RORA: variants seen among roughly 807,000 people sequenced by gnomAD.
RORA encodes nuclear receptor ROR-alpha.
In RORA, 7 loss-of-function variants were observed where a neutral mutation model predicts 69.5. The ratio of observed to expected loss-of-function variants is 0.10; its 90% CI spans 0.06 to 0.19. The LOEUF (loss-of-function observed/expected upper bound fraction) is 0.19. Ranked by LOEUF, RORA falls within the 10% of genes least tolerant of loss-of-function variation. The pLI is 1.00. For missense variants in RORA, 457 were observed against 663.0 expected, an observed-to-expected ratio of 0.69 and a Z score of 3.41; for synonymous variants, 261 against 240.8, an observed-to-expected ratio of 1.08 and a Z score of -0.78.
chr15:60,929,280 C>T (rs1892306649), intron 1 of RORA, among the ~76,000 whole-genome samples: 1 of 152,198 alleles, frequency 6.6e-6, no homozygotes, highest in South Asian at 2.1e-4. Context: ...CTCCTCCAGC[C>T]CTCCCTCCCC....
intron 1 of RORA, among the ~76,000 whole-genome samples, chr15:61,141,961 G>C (rs544864251): frequency 1.3e-5 from 2 of 152,078 alleles, no homozygotes; most frequent in African/African-American, 2.4e-5. Flanking sequence ...GTGGCTCCTG[G>C]GCTAAGTGGA....
intron 2 of RORA, among the ~76,000 whole-genome samples, chr15:60,645,007 T>C (rs2070012765): frequency 6.6e-6 from 1 of 152,170 alleles, no homozygotes; most frequent in African/African-American, 2.4e-5. Flanking sequence ...ATAGAATAAA[T>C]AATATTGATT....
rs1316477690 is a variant in RORA, at chr15:61,213,715, A to G, written c.166+15338T>C. 1.3e-5 allele frequency: 2 copies of G among 152,152 alleles called. No individual in the cohort carries two copies. Among genetic ancestry groups the G allele is most frequent in the Non-Finnish European group, 2.9e-5 (2 of 68,028 alleles). 9.4% of individuals were successfully genotyped at this position (152,152 alleles called of 1,614,324 possible). A position where few individuals can be genotyped will look rare whatever the true frequency, so the allele number is the denominator to read the frequency against. The stretch of plus-strand genomic sequence containing the variant: ...TCTCTATGTTATAGGTTTCCTAAGT[A>G]TCTCTACTATAGCATGCTACATCTT... On this transcript the variant is annotated intron_variant, in intron 1 of 10. Coordinates refer to ENST00000335670, the MANE Select transcript of RORA (RefSeq NM_134261.3). The surrounding 1 kb of genome is among the most constrained non-coding windows in gnomAD (Gnocchi z 4.1).
chr15:60,619,385 T>C (rs1188245024), intron 2 of RORA, among the ~76,000 whole-genome samples: 1 of 152,200 alleles, frequency 6.6e-6, no homozygotes, highest in Non-Finnish European at 1.5e-5. Context: ...GGACAAACTA[T>C]CTTGGGGCTA....
At chr15:60,984,893 G>C (rs781326063) in intron 1 of RORA, among the ~76,000 whole-genome samples, 2 of 151,616 alleles carry the variant, frequency 1.3e-5, no homozygotes, top group Non-Finnish European at 2.9e-5. Flanking sequence ...TGAATTGGGA[G>C]GGAGAGGGGA....
chr15:60,832,998 A>G lies in RORA; in HGVS notation c.167-154312T>C, dbSNP rs368752749. Among the ~76,000 whole-genome samples the G allele has an allele frequency of 1.3e-3, 192 of 151,548 alleles. 2 individuals carry two copies. The East Asian group carries it at 0.026, about 20-fold the overall frequency. The stretch of plus-strand genomic sequence containing the variant: ...CGGCTCACTGCAAGCTCCGCCTCCC[A>G]GGTTCATGCCATTCTCCTGCCTCAG... On this transcript the variant is annotated intron_variant, in intron 1 of 10. Coordinates refer to ENST00000335670, the MANE Select transcript of RORA (RefSeq NM_134261.3).
intron 1 of RORA, among the ~76,000 whole-genome samples, chr15:61,008,457 T>G (rs1221360924): frequency 6.6e-6 from 1 of 152,026 alleles, no homozygotes; most frequent in Admixed American, 6.6e-5. Flanking sequence ...CAAGAACGCA[T>G]GAACAGGAAT....
chr15:61,088,372 T>C (rs893285), intron 1 of RORA, among the ~76,000 whole-genome samples: 21,399 of 152,156 alleles, frequency 0.14, 1,942 homozygotes, highest in African/African-American at 0.24. Flanking sequence ...GCATGTGTTG[T>C]TCATGCAAGA....
At chr15:60,957,368 A>G (rs1893299321) in intron 1 of RORA, among the ~76,000 whole-genome samples, 1 of 152,226 alleles carries the variant, frequency 6.6e-6, no homozygotes, top group African/African-American at 2.4e-5. Context: ...TGAGGACTCC[A>G]TTGTGCCTGT....
chr15:60,582,161 T>C (rs1316463931), intron 2 of RORA, among the ~76,000 whole-genome samples: 1 of 152,222 alleles, frequency 6.6e-6, no homozygotes, highest in African/African-American at 2.4e-5. Context: ...ATATTTATTA[T>C]TAATATTAAT....
intron 1 of RORA, among the ~76,000 whole-genome samples, chr15:60,900,181 G>A (rs1396401071): frequency 6.6e-6 from 1 of 152,200 alleles, no homozygotes; most frequent in African/African-American, 2.4e-5. Context: ...GATGGGAAAG[G>A]TCATTTATTG....
In RORA at chr15:60,737,645, T is replaced by A. The variant is rs143082713; in HGVS notation, c.167-58959A>T. On this transcript the variant is annotated intron_variant, in intron 1 of 10. Transcript: ENST00000335670. ...GGGCTATAAGCGTCATGTGTATATA[T>A]CAGTTGTCAATTTAGAATTACCTGT... is the stretch of plus-strand genomic sequence containing the variant. 4.5e-3 allele frequency among the ~76,000 whole-genome samples: 679 copies of A among 152,364 alleles called. 2 individuals carry two copies. The highest frequency in any genetic ancestry group is 0.015 in the African/African-American group (614 of 41,588).
At chr15:60,687,575 C>A (rs928073288) in intron 1 of RORA, among the ~76,000 whole-genome samples, 2 of 152,160 alleles carry the variant, frequency 1.3e-5, no homozygotes, top group Non-Finnish European at 1.5e-5. Flanking sequence ...CATGGTGAAA[C>A]CCCATCTCTG....
intron 1 of RORA, among the ~76,000 whole-genome samples, chr15:61,150,639 C>T (rs1021015120): frequency 1.3e-5 from 2 of 152,122 alleles, no homozygotes; most frequent in African/African-American, 2.4e-5. Context: ...TCAAGGTTTT[C>T]GCTGAAATGA....
At chr15:60,869,144 G>C (rs2073524479) in intron 1 of RORA, among the ~76,000 whole-genome samples, 1 of 152,074 alleles carries the variant, frequency 6.6e-6, no homozygotes, top group South Asian at 2.1e-4. Context: ...CTTATATTTT[G>C]GCTGAAATGA....
intron 2 of RORA, among the ~76,000 whole-genome samples, chr15:60,672,320 T>C (rs1317319300): frequency 6.6e-6 from 1 of 152,178 alleles, no homozygotes; most frequent in East Asian, 1.9e-4. Flanking sequence ...AGAACCACTC[T>C]GAAAAATGAA....
chr15:60,846,149 T>C (rs2073262366), intron 1 of RORA, among the ~76,000 whole-genome samples: 1 of 152,198 alleles, frequency 6.6e-6, no homozygotes, highest in African/African-American at 2.4e-5. Flanking sequence ...GAATCTTGGT[T>C]GAGACAATAA....
intron 1 of RORA, among the ~76,000 whole-genome samples, chr15:61,225,389 G>T (rs1173783884): frequency 6.6e-6 from 1 of 152,108 alleles, no homozygotes; most frequent in Non-Finnish European, 1.5e-5. Flanking sequence ...GCACCTACTA[G>T]AAAGTGAATC....
chr15:61,059,920 GAAGAAGAAGAAGAAC>G lies in RORA; in HGVS notation c.166+169118_166+169132del, dbSNP rs1443126365. Among the ~76,000 whole-genome samples, 689 of 136,230 alleles carry G rather than the reference GAAGAAGAAGAAGAAC, an allele frequency of 5.1e-3. 6 individuals carry two copies. The highest frequency in any genetic ancestry group is 9.1e-3 in the African/African-American group (338 of 37,292). The allele number at this position is 136,230 out of a possible 152,430, so 89.4% of individuals were successfully genotyped here. ...AACAGTTCCACACGAAGAAGAAGAA[GAAGAAGAAGAAGAAC>G]AAGAAGAAGAAGAAGAAGAAGAAGA... On this transcript the variant is annotated intron_variant, in intron 1 of 10. Transcript: ENST00000335670.
Sources: allele counts gnomAD v4.1 joint callset (sites outside exome capture counted in the v4.1 genomes callset), GRCh38; gene constraint gnomAD v4.1.1; non-coding constraint Gnocchi (gnomAD v3.1); transcripts MANE v1.5; gene names NCBI Gene and HGNC (gene_info 2026-07-23, HGNC 2026-07-21).